The following ZDHHC14 variants were observed in gnomAD, a reference collection of about 807,000 sequenced individuals.
ZDHHC14 encodes the protein palmitoyltransferase ZDHHC14.
Under a neutral mutation model 47.7 loss-of-function variants are expected in ZDHHC14, and 16 were observed. The ratio of observed to expected loss-of-function variants is 0.34; its 90% CI spans 0.23 to 0.51. The LOEUF (loss-of-function observed/expected upper bound fraction) is 0.51. Ranked by LOEUF, ZDHHC14 falls within the 20% of genes least tolerant of loss-of-function variation. ZDHHC14 has a pLI of 0.97. For synonymous variants in ZDHHC14, 293 were observed against 278.9 expected (o/e 1.05, Z -0.50); for missense variants, 515 against 662.5 (o/e 0.78, Z 2.44).
chr6:157,553,309 T>C (rs1057278491), intron 2 of ZDHHC14, among the ~76,000 whole-genome samples: 1 of 152,126 alleles, frequency 6.6e-6, no homozygotes, highest in Non-Finnish European at 1.5e-5. Flanking sequence ...GGACTTTTGC[T>C]AAAATTGAGC....
chr6:157,532,211 G>T (rs1026261291), intron 1 of ZDHHC14, among the ~76,000 whole-genome samples: 3 of 152,272 alleles, frequency 2.0e-5, no homozygotes, highest in African/African-American at 4.8e-5. Flanking sequence ...GTGGTGTTCA[G>T]TGTGCAATCT....
intron 5 of ZDHHC14, among the ~76,000 whole-genome samples, chr6:157,639,853 GAT>G (rs1777163589): frequency 6.6e-6 from 1 of 152,196 alleles, no homozygotes; most frequent in Non-Finnish European, 1.5e-5. Flanking sequence ...TTCTGTCTAA[GAT>G]ATGTTTACAA....
chr6:157,569,709 G>T lies in ZDHHC14; in HGVS notation c.407-23279G>T, dbSNP rs1020315146. 6.6e-5 allele frequency among the ~76,000 whole-genome samples: 10 copies of T among 152,026 alleles called. 1 individual carries two copies. Among genetic ancestry groups the T allele is most frequent in the Admixed American group, 3.9e-4 (6 of 15,260 alleles). ...AATCTTCCACCGCAGGAAGCAGAGT[G>T]TCTCTCTGTGGTTTTCAAAACCCCC... On this transcript the variant is annotated intron_variant, in intron 2 of 8. Transcript: ENST00000359775.
chr6:157,401,077 G>C (rs1384288114), intron 1 of ZDHHC14, among the ~76,000 whole-genome samples: 4 of 152,124 alleles, frequency 2.6e-5, no homozygotes, highest in Admixed American at 2.0e-4. Flanking sequence ...TCCATTTCAG[G>C]GTTTCCATGT....
At chr6:157,522,444 T>C (rs908095911) in intron 1 of ZDHHC14, among the ~76,000 whole-genome samples, 1 of 152,108 alleles carries the variant, frequency 6.6e-6, no homozygotes, top group African/African-American at 2.4e-5. Context: ...CACACCAGCT[T>C]TTTGGTGAAG....
chr6:157,672,172 G>A (rs1778827507), intron 8 of ZDHHC14, among the ~76,000 whole-genome samples: 1 of 152,160 alleles, frequency 6.6e-6, no homozygotes, highest in Non-Finnish European at 1.5e-5. Context: ...GTGTCCGAAT[G>A]CACTTCCTTT....
At chr6:157,482,255 CT>C (rs1779648539) in intron 1 of ZDHHC14, among the ~76,000 whole-genome samples, 1 of 127,214 alleles carries the variant, frequency 7.9e-6, no homozygotes, top group Admixed American at 8.1e-5. Flanking sequence ...TATTTCTTTT[CT>C]TTTCTTTTTT....
intron 1 of ZDHHC14, among the ~76,000 whole-genome samples, chr6:157,430,541 C>T (rs1050363763): frequency 8.5e-5 from 13 of 152,132 alleles, no homozygotes; most frequent in African/African-American, 2.7e-4. Context: ...AATGTCAGGG[C>T]GGGTCCTTCT....
At chr6:157,667,618 A>T (rs1237808574) in intron 8 of ZDHHC14, among the ~76,000 whole-genome samples, 1 of 40,374 alleles carries the variant, frequency 2.5e-5, no homozygotes, top group Non-Finnish European at 6.2e-5. Context: ...GCAAAGGTTT[A>T]AAAAAAAAAA....
At chr6:157,480,115 C>T (rs535060049) in intron 1 of ZDHHC14, among the ~76,000 whole-genome samples, 5 of 152,202 alleles carry the variant, frequency 3.3e-5, no homozygotes, top group African/African-American at 9.6e-5. Flanking sequence ...TTGGGCTCAG[C>T]GTTGGACCAA....
At chr6:157,410,400 G>A (rs1300337867) in intron 1 of ZDHHC14, among the ~76,000 whole-genome samples, 1 of 152,204 alleles carries the variant, frequency 6.6e-6, no homozygotes, top group African/African-American at 2.4e-5. Flanking sequence ...ATTTGTTGCA[G>A]TGCATTTTGT....
At position 157,628,406 on chromosome 6, in the gene ZDHHC14, G is replaced by A. The variant is rs750807296; in HGVS notation, c.623G>A (p.Arg208Lys). 1 of 1,612,910 alleles carries A rather than the reference G, an allele frequency of 6.2e-7. No individual in the cohort carries two copies. Residue 208 changes from arginine (R) to lysine (K), a missense_variant, in exon 4 of 9, where the codon AGA becomes AAA. This residue lies in a region of ZDHHC14 where 229 missense variants were observed against 351.5 expected (regional missense o/e 0.65). Coordinates refer to ENST00000359775, the MANE Select transcript of ZDHHC14 (RefSeq NM_024630.3). Reference sequence around the variant, plus strand: ...AACTGTGTGGGGAAAAGAAACTACAGATTTTTTTATATGTTTATTTTATCT... The same window carrying A: ...AACTGTGTGGGGAAAAGAAACTACAAATTTTTTTATATGTTTATTTTATCT... Reference protein sequence around the residue: ...VGNCVGKRNYRFFYMFILSLS... With the variant: ...VGNCVGKRNYKFFYMFILSLS...
chr6:157,417,302 C>A (rs1403380261), intron 1 of ZDHHC14, among the ~76,000 whole-genome samples: 1 of 152,142 alleles, frequency 6.6e-6, no homozygotes, highest in Non-Finnish European at 1.5e-5. Context: ...GTCATCCCTA[C>A]CCAAGATGTG....
chr6:157,527,624 C>T (rs1326608297), intron 1 of ZDHHC14, among the ~76,000 whole-genome samples: 1 of 152,142 alleles, frequency 6.6e-6, no homozygotes, highest in Non-Finnish European at 1.5e-5. Context: ...AGCGTATAGG[C>T]TCAGCTAGAG....
intron 8 of ZDHHC14, among the ~76,000 whole-genome samples, chr6:157,656,791 C>T (rs1778117677): frequency 6.6e-6 from 1 of 151,928 alleles, no homozygotes; most frequent in African/African-American, 2.4e-5. Flanking sequence ...GTCTGAACAC[C>T]CCAGGAAAGA....
chr6:157,595,946 G>T (rs999675456), intron 3 of ZDHHC14, among the ~76,000 whole-genome samples: 1 of 152,232 alleles, frequency 6.6e-6, no homozygotes, highest in African/African-American at 2.4e-5. Flanking sequence ...GTTTGGGGCA[G>T]GATCTAGAGG....
intron 8 of ZDHHC14, among the ~76,000 whole-genome samples, chr6:157,665,788 G>GA (rs1229957848): frequency 6.6e-6 from 1 of 152,106 alleles, no homozygotes; most frequent in African/African-American, 2.4e-5. Context: ...GATGGGGGTG[G>GA]TTATTCAGTG....
At chr6:157,653,091 G>T (rs111936543) in intron 7 of ZDHHC14, among the ~76,000 whole-genome samples, 8 of 152,200 alleles carry the variant, frequency 5.3e-5, no homozygotes, top group Admixed American at 5.2e-4. Context: ...CTGTTCCCAC[G>T]TGGCAGGCGG....
At position 157,632,857 on chromosome 6, in the gene ZDHHC14, A is replaced by G; in HGVS notation, c.727A>G (p.Asn243Asp). Residue 243 changes from asparagine (N) to aspartate (D), a missense_variant, in exon 5 of 9, where the codon AAT becomes GAT. Transcript: ENST00000359775. Reference sequence around the variant, plus strand: ...AGGTTCACAGCAAACAGGATTCCTAAATGCCCTTAAGGACAGTCCTGCAAG... The same window carrying G: ...AGGTTCACAGCAAACAGGATTCCTAGATGCCCTTAAGGACAGTCCTGCAAG... ...ILRSQQTGFL[N>D]ALKDSPASVL... 1 of 1,614,194 alleles carries G rather than the reference A, an allele frequency of 6.2e-7. No homozygotes were observed. Among genetic ancestry groups the G allele is most frequent in the Non-Finnish European group, 8.5e-7 (1 of 1,180,030 alleles).
Sources: gnomAD v4.1 joint callset for allele counts (sites outside exome capture counted in the v4.1 genomes callset) on GRCh38, gnomAD v4.1.1 for gene constraint, gnomAD v4.1.1 regional missense constraint, MANE v1.5 for transcripts, NCBI Gene and HGNC (gene_info 2026-07-23, HGNC 2026-07-21) for gene names.